Variants in SACS observed in about 807,000 individuals in gnomAD.
The protein encoded by SACS is sacsin.
Under a neutral mutation model 348.0 loss-of-function variants are expected in SACS, and 197 were observed. That is an observed-to-expected ratio of 0.57 (90% CI 0.50 to 0.64). The LOEUF is 0.64. Among genes scored for constraint, SACS ranks in the 30% least tolerant of loss-of-function variants. SACS has a pLI of 0.00. For missense variants in SACS, 4,999 were observed against 5,360.8 expected (o/e 0.93, Z 2.11); for synonymous variants, 1,985 against 1,910.6 (o/e 1.04, Z -1.02).
At position 23,331,857 on chromosome 13, in the gene SACS, A is replaced by G; in HGVS notation, c.12019T>C (p.Ser4007Pro). Reference sequence around the variant, plus strand: ...AGTCCTGTAATGAACTGTTCAGAAGACAAGAGTAACTGCAATCTTCCTTGA... The same window carrying G: ...AGTCCTGTAATGAACTGTTCAGAAGGCAAGAGTAACTGCAATCTTCCTTGA... ...SLQGRLQLLLSSEQFITGLIR... is the reference protein window; with the variant it reads ...SLQGRLQLLLPSEQFITGLIR... The change falls in exon 10 of 10, where the codon TCT becomes CCT. Residue 4007 changes from serine to proline, a missense_variant. Physicochemically the swap from Ser to Pro is moderately conservative, Grantham distance 74 (BLOSUM62 -1). Transcript: ENST00000382292. 1 of 1,614,102 alleles carries G rather than the reference A, an allele frequency of 6.2e-7. No individual in the cohort carries two copies. The highest frequency in any genetic ancestry group is 8.5e-7 in the Non-Finnish European group (1 of 1,179,960).
At chr13:23,359,183 A>G (rs1870581592) in intron 6 of SACS, among the ~76,000 whole-genome samples, 1 of 152,030 alleles carries the variant, frequency 6.6e-6, no homozygotes, top group African/African-American at 2.4e-5. Context: ...TTCCGTCTCA[A>G]AAAAAAAGAA....
rs773680167 is a variant in SACS, at chr13:23,336,599, C to T, written c.7277G>A (p.Arg2426Gln). ...ITEENFQLCR[R>Q]IISEGIWSLI... ...ACTCCATATTCCTTCACTGATTATT[C>T]GTCGGCAAAGCTGAAAATTCTCTTC... Residue 2426 changes from arginine (R) to glutamine (Q), a missense_variant, in exon 10 of 10, where the codon CGA (arginine) becomes CAA (glutamine). Coordinates refer to ENST00000382292, the MANE Select transcript of SACS (RefSeq NM_014363.6). 2.5e-5 allele frequency: 41 copies of T among 1,613,522 alleles called. No individual in the cohort carries two copies. The highest frequency in any genetic ancestry group is 6.7e-5 in the Admixed American group (4 of 59,934).
At chr13:23,369,315 C>T (rs960899009) in intron 4 of SACS, among the ~76,000 whole-genome samples, 2 of 152,102 alleles carry the variant, frequency 1.3e-5, no homozygotes, top group African/African-American at 4.8e-5. Flanking sequence ...ATTCTTAGAC[C>T]AACTGACCAG....
rs574843936 is a variant in SACS, at chr13:23,342,654, A to T, written c.2186-964T>A. On this transcript the variant is annotated intron_variant, in intron 9 of 9. Transcript: ENST00000382292. Reference sequence around the variant, plus strand: ...GGGGTTTCAGATTTTTGGGTTAGGGACACCCAACCTGTATGAAGGATGTTT... The same window carrying T: ...GGGGTTTCAGATTTTTGGGTTAGGGTCACCCAACCTGTATGAAGGATGTTT... 2.0e-5 allele frequency among the ~76,000 whole-genome samples: 3 copies of T among 152,262 alleles called. No homozygotes were observed. The East Asian group carries it at 5.8e-4, about 29-fold the overall frequency.
chr13:23,403,564 G>C (rs1042090129), intron 2 of SACS, among the ~76,000 whole-genome samples: 1 of 152,104 alleles, frequency 6.6e-6, no homozygotes, highest in Non-Finnish European at 1.5e-5. Context: ...TTCTCTGATG[G>C]TAGTCTGCAT....
At position 23,345,424 on chromosome 13, in the gene SACS, T is replaced by C. The variant is rs562884738; in HGVS notation, c.2186-3734A>G. Among the ~76,000 whole-genome samples, 620 of 152,318 alleles carry C rather than the reference T, an allele frequency of 4.1e-3. 4 individuals carry two copies. The highest frequency in any genetic ancestry group is 0.015 in the African/African-American group (608 of 41,570). ...CAGGTCCCAGGGCCCAGCATAAAAG[T>C]CCAGCAAGCCAGGGTGGTTCAACAT... On this transcript the variant is annotated intron_variant, in intron 9 of 9. Transcript: ENST00000382292.
At position 23,331,633 on chromosome 13, in the gene SACS, A is replaced by G. The variant is rs1566056564; in HGVS notation, c.12243T>C (p.Asn4081=). 1 of 1,614,006 alleles carries G rather than the reference A, an allele frequency of 6.2e-7. No individual in the cohort carries two copies. ...GTTGAATGTAGAGCAAGATGACTGCATTACCAAATCGCTTCAAAAAAGCAA... is the reference window on the plus strand; with the variant it reads ...GTTGAATGTAGAGCAAGATGACTGCGTTACCAAATCGCTTCAAAAAAGCAA... The part of the protein sequence containing the change: ...ETFAFLKRFG[N]AVILLYIQHS... Residue 4081 remains asparagine, a synonymous_variant, in exon 10 of 10, where the codon AAT becomes AAC. Transcript: ENST00000382292.
intron 5 of SACS, among the ~76,000 whole-genome samples, chr13:23,368,071 G>A (rs1187468456): frequency 3.3e-5 from 5 of 151,980 alleles, no homozygotes; most frequent in Admixed American, 2.0e-4. Context: ...CGGTTGGCTG[G>A]CTGGCTGGTT....
rs1455074543 is a variant in SACS at position 23,429,139 on chromosome 13, ATAGAT to A, written c.-502+4471_-502+4475del. ...AAAGCTGCTAAATGAAATTTTAAAA[ATAGAT>A]TATATGACTAAAATATATTTGATGT... is the stretch of plus-strand genomic sequence containing the variant. On this transcript the variant is annotated intron_variant, in intron 1 of 9. Transcript: ENST00000382292. 2.0e-5 allele frequency among the ~76,000 whole-genome samples: 3 copies of A among 152,194 alleles called. No homozygotes were observed. The East Asian group carries it at 5.8e-4, about 29-fold the overall frequency.
chr13:23,330,724 T>C lies in SACS; in HGVS notation c.13152A>G (p.Ala4384=), dbSNP rs745989305. The C allele has an allele frequency of 3.7e-6, 6 of 1,614,076 alleles. No homozygotes were observed. In the Admixed American group the frequency reaches 8.3e-5, roughly 22 times the overall value. ...RASRRTFSTS[A]SRFQSDKYSF... ...AGTATTTGTCTGACTGAAATCGGGATGCTGAGGTTGAAAATGTTCGTCTGG... is the reference window on the plus strand; with the variant it reads ...AGTATTTGTCTGACTGAAATCGGGACGCTGAGGTTGAAAATGTTCGTCTGG... The change falls in exon 10 of 10, where the codon GCA becomes GCG. Residue 4384 remains alanine, a synonymous_variant. Transcript: ENST00000382292.
rs924662849 is a variant in SACS at position 23,389,004 on chromosome 13, A to G, written c.21-13735T>C. Reference sequence around the variant, plus strand: ...TCCATGTATTCAAAAAATACATAACATGAGTTTTCTATGGACAAGGCATGG... The same window carrying G: ...TCCATGTATTCAAAAAATACATAACGTGAGTTTTCTATGGACAAGGCATGG... On this transcript the variant is annotated intron_variant, in intron 2 of 9. Transcript: ENST00000382292. 1.2e-4 allele frequency among the ~76,000 whole-genome samples: 19 copies of G among 152,320 alleles called. 1 individual carries two copies. Among genetic ancestry groups the G allele is most frequent in the African/African-American group, 3.6e-4 (15 of 41,578 alleles).
chr13:23,368,929 G>C (rs902866532), intron 4 of SACS, among the ~76,000 whole-genome samples: 5 of 152,128 alleles, frequency 3.3e-5, no homozygotes, highest in Non-Finnish European at 7.4e-5. Context: ...TTGATCTCCT[G>C]ACCTCGTGAT....
intron 5 of SACS, among the ~76,000 whole-genome samples, chr13:23,366,705 C>T (rs924897344): frequency 3.3e-5 from 5 of 152,156 alleles, no homozygotes; most frequent in Admixed American, 6.5e-5. Flanking sequence ...GTCCCAGGTT[C>T]CACTCATTCT....
chr13:23,379,904 A>G (rs139200355), intron 2 of SACS, among the ~76,000 whole-genome samples: 1 of 152,256 alleles, frequency 6.6e-6, no homozygotes, highest in Non-Finnish European at 1.5e-5. Context: ...CAGGACAGAC[A>G]CTGCCTTCCT....
chr13:23,415,512 C>T (rs1873660009), intron 1 of SACS, among the ~76,000 whole-genome samples: 1 of 152,176 alleles, frequency 6.6e-6, no homozygotes, highest in Non-Finnish European at 1.5e-5. Flanking sequence ...ATTATGTATG[C>T]TGTGAGCCAA....
At chr13:23,371,301 G>T in intron 3 of SACS, 136 bp from the exon 4 acceptor site, 1 of 434,070 alleles carries the variant, frequency 2.3e-6, no homozygotes. Context: ...GTCTGGAGAA[G>T]TGAATATTCC....
In SACS at chr13:23,336,681, C is replaced by A; in HGVS notation, c.7195G>T (p.Asp2399Tyr). 1 of 1,613,874 alleles carries A rather than the reference C, an allele frequency of 6.2e-7. No homozygotes were observed. The highest frequency in any genetic ancestry group is 8.5e-7 in the Non-Finnish European group (1 of 1,179,882). The change falls in exon 10 of 10, where the codon GAT becomes TAT. Residue 2399 changes from aspartate (D) to tyrosine (Y), a missense_variant. By Grantham distance (160) the Asp-to-Tyr change is radical (BLOSUM62 -3). This residue lies in a region of SACS where 3,156 missense variants were observed against 3,380.1 expected (regional missense o/e 0.93). Transcript: ENST00000382292. ...VGVRQSCTVEDFALVLESIDQ... is the reference protein window; with the variant it reads ...VGVRQSCTVEYFALVLESIDQ... ...ATAGATTCCAAAACAAGAGCAAAAT[C>A]TTCAACAGTGCATGACTGCCTCACA...
At chr13:23,432,666 T>G (rs904897260) in intron 1 of SACS, among the ~76,000 whole-genome samples, 1 of 143,728 alleles carries the variant, frequency 7.0e-6, no homozygotes, top group African/African-American at 2.9e-5. Flanking sequence ...TGTCAATTAT[T>G]TATTATTATT....
chr13:23,342,868 T>A (rs899904976), intron 9 of SACS, among the ~76,000 whole-genome samples: 1 of 152,212 alleles, frequency 6.6e-6, no homozygotes, highest in African/African-American at 2.4e-5. Flanking sequence ...CCATTTCATC[T>A]TTCTGGGACT....
Sources: gnomAD v4.1 joint callset for allele counts (sites outside exome capture counted in the v4.1 genomes callset) on GRCh38, gnomAD v4.1.1 for gene constraint, gnomAD v4.1.1 regional missense constraint, MANE v1.5 for transcripts, NCBI Gene and HGNC (gene_info 2026-07-23, HGNC 2026-07-21) for gene names.